PKHD1L1: variants seen among roughly 807,000 people sequenced by gnomAD.
The protein encoded by PKHD1L1 is PKHD1 like 1, also known as fibrocystin-L.
A neutral mutation model predicts 462.9 loss-of-function variants in PKHD1L1; 434 were observed. The ratio of observed to expected loss-of-function variants is 0.94; its 90% CI spans 0.87 to 1.02. PKHD1L1 has a LOEUF of 1.02. PKHD1L1 is among the 50% of genes least tolerant of loss of function. PKHD1L1 has a pLI of 0.00. For missense variants in PKHD1L1, 5,202 were observed against 5,096.1 expected (o/e 1.02, Z -0.63); for synonymous variants, 1,781 against 1,750.0 (o/e 1.02, Z -0.44).
chr8:109,408,996 A>C (rs1357935592), intron 18 of PKHD1L1, among the ~76,000 whole-genome samples: 1 of 152,220 alleles, frequency 6.6e-6, no homozygotes, highest in Non-Finnish European at 1.5e-5. Context: ...GCCATTCATA[A>C]AGAAAGAATG....
chr8:109,515,132 A>C, intron 71 of PKHD1L1, 38 bp from the exon 72 acceptor site: 1 of 1,412,762 alleles, frequency 7.1e-7, no homozygotes, highest in Non-Finnish European at 9.6e-7. Flanking sequence ...CAAATATTCT[A>C]TTTTGTTGCT....
intron 71 of PKHD1L1, among the ~76,000 whole-genome samples, chr8:109,514,569 A>G (rs1820166989): frequency 6.6e-6 from 1 of 152,182 alleles, no homozygotes; most frequent in Non-Finnish European, 1.5e-5. Flanking sequence ...TGAAGACAAT[A>G]TCCAAAGAAG....
chr8:109,381,734 A>T (rs1812128102), intron 3 of PKHD1L1, among the ~76,000 whole-genome samples: 1 of 152,058 alleles, frequency 6.6e-6, no homozygotes, highest in Admixed American at 6.5e-5. Context: ...GTCTTTTCCC[A>T]TGTTATTAGA....
intron 28 of PKHD1L1, 130 bp from the exon 29 acceptor site, chr8:109,435,060 A>G (rs1815326856): frequency 3.4e-6 from 3 of 874,102 alleles, no homozygotes; most frequent in South Asian, 1.8e-5. Context: ...TTAATATATG[A>G]TTGGTTTTCT....
intron 4 of PKHD1L1, among the ~76,000 whole-genome samples, chr8:109,383,662 T>C (rs2130436275): frequency 6.6e-6 from 1 of 151,746 alleles, no homozygotes. Context: ...CAGATATCTC[T>C]GGCTTTCTTC....
chr8:109,391,103 A>G (rs557072260), intron 9 of PKHD1L1, among the ~76,000 whole-genome samples: 2 of 152,338 alleles, frequency 1.3e-5, no homozygotes, highest in South Asian at 4.1e-4. Flanking sequence ...ATAGATAATA[A>G]TAGTGAACAT....
chr8:109,449,530 T>A, intron 40 of PKHD1L1, 43 bp downstream of exon 40: 1 of 1,483,478 alleles, frequency 6.7e-7, no homozygotes, highest in South Asian at 1.4e-5. Context: ...GAGAACTAGT[T>A]AATTTTATAA....
At chr8:109,418,847 C>T (rs1316890454) in intron 21 of PKHD1L1, among the ~76,000 whole-genome samples, 2 of 152,118 alleles carry the variant, frequency 1.3e-5, no homozygotes, top group Non-Finnish European at 2.9e-5. Flanking sequence ...TTTTACATTC[C>T]TATGGCTACT....
At chr8:109,439,173 T>A in intron 32 of PKHD1L1, 81 bp downstream of exon 32, 1 of 1,297,178 alleles carries the variant, frequency 7.7e-7, no homozygotes, top group Non-Finnish European at 1.1e-6. Context: ...AAGTGGGCAT[T>A]AAGCTTTAGG....
chr8:109,495,051 C>T (rs760558359), intron 63 of PKHD1L1, among the ~76,000 whole-genome samples: 11 of 151,756 alleles, frequency 7.2e-5, no homozygotes, highest in Non-Finnish European at 1.3e-4. Context: ...AAAAAATATA[C>T]TAGTTAAAAG....
At chr8:109,407,830 G>A (rs1160330737) in intron 17 of PKHD1L1, among the ~76,000 whole-genome samples, 1 of 151,912 alleles carries the variant, frequency 6.6e-6, no homozygotes, top group African/African-American at 2.4e-5. Flanking sequence ...TAAATATATA[G>A]CACTTTGTCT....
intron 50 of PKHD1L1, chr8:109,470,279 G>C (rs1817652748): frequency 1.4e-6 from 2 of 1,460,470 alleles, no homozygotes; most frequent in Admixed American, 3.4e-5. Context: ...CTGGAGTGTA[G>C]CCATACTTGT....
chr8:109,385,701 C>A, intron 6 of PKHD1L1, 71 bp downstream of exon 6: 1 of 971,996 alleles, frequency 1.0e-6, no homozygotes, highest in Non-Finnish European at 1.5e-6. Context: ...AATAATGGGT[C>A]CAATGATATT....
Position 109,522,779 on chromosome 8 carries a change from T to C in PKHD1L1, c.12219T>C (p.Pro4073=), listed in dbSNP as rs1379007595. 1 of 1,611,946 alleles carries C rather than the reference T, an allele frequency of 6.2e-7. No individual in the cohort carries two copies. The highest frequency in any genetic ancestry group is 2.2e-5 in the East Asian group (1 of 44,786). ...TAQPVERSAF[P]VHHVAFVSSL... ...AGCCAGTTGAAAGGTCTGCATTTCC[T>C]GTTCATCACGTGGCCTTCGTGTCCT... The change falls in exon 75 of 78, where the codon CCT becomes CCC. Residue 4073 remains proline, a synonymous_variant. Coordinates refer to ENST00000378402, the MANE Select transcript of PKHD1L1 (RefSeq NM_177531.6).
chr8:109,435,451 G>A (rs1351550479), intron 29 of PKHD1L1, 97 bp downstream of exon 29: 4 of 1,311,874 alleles, frequency 3.0e-6, no homozygotes, highest in African/African-American at 1.5e-5. Context: ...GGATCCCAAA[G>A]CTTCCTCTTA....
chr8:109,455,947 G>A (rs577630019), intron 45 of PKHD1L1, among the ~76,000 whole-genome samples: 15 of 152,016 alleles, frequency 9.9e-5, no homozygotes, highest in South Asian at 6.2e-4. Context: ...ATAGACTTTT[G>A]CTCATTTTGT....
rs1338155200 is a variant in PKHD1L1 at position 109,420,652 on chromosome 8, A to G, written c.2659A>G (p.Ser887Gly). The change falls in exon 23 of 78, where the codon AGT (serine) becomes GGT (glycine). Residue 887 changes from serine to glycine, a missense_variant. Physicochemically the swap from Ser to Gly is moderately conservative, Grantham distance 56. Around this residue, in one of 3 missense-constraint regions of PKHD1L1, gnomAD observed 4,497 missense variants for 4,336.8 expected, o/e 1.04. Transcript: ENST00000378402. ...TGTTACCATGACTTCATACAATTGC[A>G]GTTACAATATACCCATGATGGCTGT... ...YSVTMTSYNC[S>G]YNIPMMAVSF... The G allele has an allele frequency of 6.2e-7, 1 of 1,605,316 alleles. No individual in the cohort carries two copies. The highest frequency in any genetic ancestry group is 2.3e-5 in the East Asian group (1 of 44,114).
At chr8:109,481,365 C>CT in intron 55 of PKHD1L1, 68 bp from the exon 56 acceptor site, 1 of 1,426,616 alleles carries the variant, frequency 7.0e-7, no homozygotes, top group Non-Finnish European at 9.2e-7. Context: ...TTCTGAATTC[C>CT]TTTTTTATGG....
chr8:109,452,699 C>T lies in PKHD1L1; in HGVS notation c.6508-19C>T. Reference sequence around the variant, plus strand: ...TGGTAAAATCCCTAAATTTTAAGGTCTCTTATGTTCTATTACAGGATAATG... The same window carrying T: ...TGGTAAAATCCCTAAATTTTAAGGTTTCTTATGTTCTATTACAGGATAATG... On this transcript the variant is annotated intron_variant, in intron 42 of 77. Transcript: ENST00000378402. 1 of 1,406,926 alleles carries T rather than the reference C, an allele frequency of 7.1e-7. No homozygotes were observed. The highest frequency in any genetic ancestry group is 1.5e-5 in the African/African-American group (1 of 67,276). The allele number at this position is 1,406,926 out of a possible 1,614,324, so 87.2% of individuals were successfully genotyped here.
Sources: gnomAD v4.1 joint callset for allele counts (sites outside exome capture counted in the v4.1 genomes callset) on GRCh38, gnomAD v4.1.1 for gene constraint, gnomAD v4.1.1 regional missense constraint, MANE v1.5 for transcripts, NCBI Gene and HGNC (gene_info 2026-07-23, HGNC 2026-07-21) for gene names.